The following FBXO8 variants were observed in gnomAD, a reference collection of about 807,000 sequenced individuals.
The protein encoded by FBXO8 is F-box only protein 8.
Under a neutral mutation model 33.4 loss-of-function variants are expected in FBXO8, and 15 were observed. That is an observed-to-expected ratio of 0.45 (90% CI 0.30 to 0.69). FBXO8 has a LOEUF of 0.69. FBXO8 is among the 30% of genes least tolerant of loss of function. FBXO8 has a pLI of 0.08. For synonymous variants in FBXO8, 132 were observed against 131.5 expected, an observed-to-expected ratio of 1.00 and a Z score of -0.02; for missense variants, 274 against 380.3, an observed-to-expected ratio of 0.72 and a Z score of 2.32.
In FBXO8 at chr4:174,245,716, A is replaced by C. The variant is rs1736143216; in HGVS notation, c.457-4498T>G. 6.6e-6 allele frequency among the ~76,000 whole-genome samples: 1 copy of C among 151,976 alleles called. No homozygotes were observed. Among genetic ancestry groups the C allele is most frequent in the African/African-American group, 2.4e-5 (1 of 41,392 alleles). ...AATTAGATAGTGGGCTATTCAGCGG[A>C]GCACTCACTTAAAAAATAAAAATAA... On this transcript the variant is annotated intron_variant, in intron 3 of 5. Transcript: ENST00000393674. The surrounding 1 kb of genome is among the most constrained non-coding windows in gnomAD (Gnocchi z 4.6).
At position 174,259,857 on chromosome 4, in the gene FBXO8, C is replaced by T. The variant is rs371743857; in HGVS notation, c.330-32G>A. The T allele has an allele frequency of 1.2e-5, 18 of 1,540,798 alleles. No individual in the cohort carries two copies. Among genetic ancestry groups the T allele is most frequent in the Non-Finnish European group, 1.6e-5 (18 of 1,150,774 alleles). On this transcript the variant is annotated intron_variant, in intron 2 of 5. Coordinates refer to ENST00000393674, the MANE Select transcript of FBXO8 (RefSeq NM_012180.3). This position sits in a 1 kb window ranked among gnomAD's most constrained non-coding sequence, Gnocchi z 4.3. ...AATCAGAGAAAATGAGACAAGAAAA[C>T]ATTACTACATTTAATTTCCTAAGTT...
rs575381575 is a variant in FBXO8, at chr4:174,275,628, A to C, written c.-9+7782T>G. On this transcript the variant is annotated intron_variant, in intron 1 of 5. Coordinates refer to ENST00000393674, the MANE Select transcript of FBXO8 (RefSeq NM_012180.3). This position sits in a 1 kb window ranked among gnomAD's most constrained non-coding sequence, Gnocchi z 4.4. Reference sequence around the variant, plus strand: ...ATTGTATGTAAATGATACCTTAATAAAGATGTTTTATAAAAAGGAATTAGA... The same window carrying C: ...ATTGTATGTAAATGATACCTTAATACAGATGTTTTATAAAAAGGAATTAGA... Among the ~76,000 whole-genome samples, 2 of 152,302 alleles carry C rather than the reference A, an allele frequency of 1.3e-5. No homozygotes were observed. The highest frequency in any genetic ancestry group is 2.1e-4 in the South Asian group (1 of 4,832).
At chr4:174,250,264 G>A (rs1275939951) in intron 3 of FBXO8, among the ~76,000 whole-genome samples, 1 of 152,038 alleles carries the variant, frequency 6.6e-6, no homozygotes, top group Non-Finnish European at 1.5e-5. Context: ...TTGAATGAAT[G>A]TTTGAATCTA....
rs1431354396 is a variant in FBXO8 at position 174,237,123 on chromosome 4, C to T, written c.*289G>A. Reference sequence around the variant, plus strand: ...AGGCAAATCTAATGCACAAATACACCATCTTTTAGAGTATAATGTCAGTTT... The same window carrying T: ...AGGCAAATCTAATGCACAAATACACTATCTTTTAGAGTATAATGTCAGTTT... On this transcript the variant is annotated 3_prime_UTR_variant, in exon 6 of 6. Transcript: ENST00000393674. This position sits in a 1 kb window ranked among gnomAD's most constrained non-coding sequence, Gnocchi z 4.4. 2 of 261,968 alleles carry T rather than the reference C, an allele frequency of 7.6e-6. No homozygotes were observed. The highest frequency in any genetic ancestry group is 1.5e-5 in the Non-Finnish European group (2 of 137,764). 16.2% of individuals were successfully genotyped at this position (261,968 alleles called of 1,614,324 possible). A position where few individuals can be genotyped will look rare whatever the true frequency, so the allele number is the denominator to read the frequency against.
chr4:174,257,252 C>A lies in FBXO8; in HGVS notation c.456+2447G>T, dbSNP rs1421840669. ...ATATAACATTTTAGCATATGAGGACCCATGTGTATTTTCATCTTTGTGTAA... is the reference window on the plus strand; with the variant it reads ...ATATAACATTTTAGCATATGAGGACACATGTGTATTTTCATCTTTGTGTAA... On this transcript the variant is annotated intron_variant, in intron 3 of 5. Coordinates refer to ENST00000393674, the MANE Select transcript of FBXO8 (RefSeq NM_012180.3). The surrounding 1 kb of genome is among the most constrained non-coding windows in gnomAD (Gnocchi z 4.3). 6.6e-6 allele frequency among the ~76,000 whole-genome samples: 1 copy of A among 151,942 alleles called. No homozygotes were observed. Among genetic ancestry groups the A allele is most frequent in the African/African-American group, 2.4e-5 (1 of 41,362 alleles).
chr4:174,267,820 T>C lies in FBXO8; in HGVS notation c.-8-4720A>G, dbSNP rs572523537. Among the ~76,000 whole-genome samples, 29 of 152,312 alleles carry C rather than the reference T, an allele frequency of 1.9e-4. No homozygotes were observed. The East Asian group carries it at 5.4e-3, about 28-fold the overall frequency. On this transcript the variant is annotated intron_variant, in intron 1 of 5. Coordinates refer to ENST00000393674, the MANE Select transcript of FBXO8 (RefSeq NM_012180.3). This position sits in a 1 kb window ranked among gnomAD's most constrained non-coding sequence, Gnocchi z 4.7. ...ACTGTCCTGTCACTTGCAGCAATTG[T>C]TAGGTAAAATAAAATTCAGCTGCAA...
chr4:174,256,032 A>C lies in FBXO8; in HGVS notation c.456+3667T>G. The C allele has an allele frequency of 2.2e-6, 1 of 454,062 alleles. No individual in the cohort carries two copies. Among genetic ancestry groups the C allele is most frequent in the Non-Finnish European group, 4.4e-6 (1 of 226,154 alleles). 28.1% of individuals were successfully genotyped at this position (454,062 alleles called of 1,614,324 possible). ...AGCGTGCCAGATTATCGTACCACAA[A>C]CTGTGCAGATGTTCTCCCCCACCCC... On this transcript the variant is annotated intron_variant, in intron 3 of 5. Coordinates refer to ENST00000393674, the MANE Select transcript of FBXO8 (RefSeq NM_012180.3). The surrounding 1 kb of genome is among the most constrained non-coding windows in gnomAD (Gnocchi z 4.6).
At chr4:174,248,164 T>G (rs574581559) in intron 3 of FBXO8, among the ~76,000 whole-genome samples, 1 of 152,192 alleles carries the variant, frequency 6.6e-6, no homozygotes, top group East Asian at 1.9e-4. Flanking sequence ...TTTTGTAATG[T>G]TTTCTGCTTT....
chr4:174,250,679 T>G (rs1004955373), intron 3 of FBXO8, among the ~76,000 whole-genome samples: 2 of 152,146 alleles, frequency 1.3e-5, no homozygotes, highest in African/African-American at 4.8e-5. Context: ...AGGTAGTGTT[T>G]CCTTCATACT....
In FBXO8 at chr4:174,259,638, A is replaced by T; in HGVS notation, c.456+61T>A. The T allele has an allele frequency of 6.4e-7, 1 of 1,558,314 alleles. No individual in the cohort carries two copies. The highest frequency in any genetic ancestry group is 1.2e-5 in the South Asian group (1 of 82,044). On this transcript the variant is annotated intron_variant, in intron 3 of 5. Coordinates refer to ENST00000393674, the MANE Select transcript of FBXO8 (RefSeq NM_012180.3). The surrounding 1 kb of genome is among the most constrained non-coding windows in gnomAD (Gnocchi z 4.3). ...TTTCCCTGCTAGTTTATGATATTGGAAAGCTGCAGCAAGATAGTAATAAAG... is the reference window on the plus strand; with the variant it reads ...TTTCCCTGCTAGTTTATGATATTGGTAAGCTGCAGCAAGATAGTAATAAAG...
rs1736319332 is a variant in FBXO8 at position 174,252,620 on chromosome 4, A to G, written c.456+7079T>C. Reference sequence around the variant, plus strand: ...CTCACATACCAATGCCTAGAGGTGTACATGACACATGTACTTGTGCATGTG... The same window carrying G: ...CTCACATACCAATGCCTAGAGGTGTGCATGACACATGTACTTGTGCATGTG... On this transcript the variant is annotated intron_variant, in intron 3 of 5. Coordinates refer to ENST00000393674, the MANE Select transcript of FBXO8 (RefSeq NM_012180.3). This position sits in a 1 kb window ranked among gnomAD's most constrained non-coding sequence, Gnocchi z 5.1. Among the ~76,000 whole-genome samples, 1 of 152,030 alleles carries G rather than the reference A, an allele frequency of 6.6e-6. No individual in the cohort carries two copies. The highest frequency in any genetic ancestry group is 6.6e-5 in the Admixed American group (1 of 15,248).
intron 3 of FBXO8, among the ~76,000 whole-genome samples, chr4:174,246,790 T>C (rs7697587): frequency 0.1 from 15,263 of 151,892 alleles, 825 homozygotes; most frequent in Middle Eastern, 0.12. Flanking sequence ...TAGCACCGGC[T>C]CAGAGACAGC....
chr4:174,253,235 C>T lies in FBXO8; in HGVS notation c.456+6464G>A, dbSNP rs1406227504. Among the ~76,000 whole-genome samples, 1 of 152,170 alleles carries T rather than the reference C, an allele frequency of 6.6e-6. No homozygotes were observed. The highest frequency in any genetic ancestry group is 1.9e-4 in the East Asian group (1 of 5,190). On this transcript the variant is annotated intron_variant, in intron 3 of 5. Coordinates refer to ENST00000393674, the MANE Select transcript of FBXO8 (RefSeq NM_012180.3). This position sits in a 1 kb window ranked among gnomAD's most constrained non-coding sequence, Gnocchi z 4.5. ...GTGATTTTTAAAAAATTACTTTTAT[C>T]ATAGGATATAGTGCCACTAGAAGGA... is the stretch of plus-strand genomic sequence containing the variant.
Position 174,241,004 on chromosome 4 carries a change from G to C in FBXO8, c.575+96C>G. ...CTGTCTTTATTCAATTTTGCAACCA[G>C]ATGATTACTATGCAGTATTAGTTTT... is the stretch of plus-strand genomic sequence containing the variant. On this transcript the variant is annotated intron_variant, in intron 4 of 5. Transcript: ENST00000393674. This position sits in a 1 kb window ranked among gnomAD's most constrained non-coding sequence, Gnocchi z 4.2. 1 of 614,360 alleles carries C rather than the reference G, an allele frequency of 1.6e-6. No individual in the cohort carries two copies. The highest frequency in any genetic ancestry group is 3.3e-5 in the Admixed American group (1 of 30,094). 38.1% of individuals were successfully genotyped at this position (614,360 alleles called of 1,614,324 possible).
Position 174,249,495 on chromosome 4 carries a change from G to T in FBXO8, c.457-8277C>A, listed in dbSNP as rs192482881. ...TGTGCATATATACAACTGTTTAAAT[G>T]ACTAACCCATAAATACTAGTTTTAT... On this transcript the variant is annotated intron_variant, in intron 3 of 5. Transcript: ENST00000393674. Among the ~76,000 whole-genome samples the T allele has an allele frequency of 8.0e-4, 122 of 151,984 alleles. 1 individual carries two copies. The highest frequency in any genetic ancestry group is 2.8e-3 in the African/African-American group (115 of 41,496).
intron 3 of FBXO8, among the ~76,000 whole-genome samples, chr4:174,249,859 A>G (rs1339458043): frequency 3.3e-5 from 5 of 152,008 alleles, no homozygotes; most frequent in African/African-American, 1.2e-4. Flanking sequence ...AGAAAATACA[A>G]TTAAAGACAA....
At position 174,263,072 on chromosome 4, in the gene FBXO8, T is replaced by C. The variant is rs369540951; in HGVS notation, c.21A>G (p.Arg7=). 2 of 1,613,642 alleles carry C rather than the reference T, an allele frequency of 1.2e-6. No homozygotes were observed. The highest frequency in any genetic ancestry group is 1.7e-6 in the Non-Finnish European group (2 of 1,179,894). Residue 7 remains arginine, a synonymous_variant, in exon 2 of 6, where the codon AGA becomes AGG. Coordinates refer to ENST00000393674, the MANE Select transcript of FBXO8 (RefSeq NM_012180.3). This position sits in a 1 kb window ranked among gnomAD's most constrained non-coding sequence, Gnocchi z 4.2. The part of the protein sequence containing the change: MGQGLW[R]VVRNQQLQQE... ...GTTGCAGCTGCTGGTTTCTGACCAC[T>C]CTCCACAACCCTTGACCCATCTGCA...
At chr4:174,260,308 C>T (rs1270616635) in intron 2 of FBXO8, among the ~76,000 whole-genome samples, 1 of 152,004 alleles carries the variant, frequency 6.6e-6, no homozygotes, top group Non-Finnish European at 1.5e-5. Context: ...TAATCCACAG[C>T]TTGCAATTAT....
At position 174,262,817 on chromosome 4, in the gene FBXO8, G is replaced by A. The variant is rs149560688; in HGVS notation, c.276C>T (p.Cys92=). The change falls in exon 2 of 6, where the codon TGC becomes TGT. Residue 92 remains cysteine, a synonymous_variant. Transcript: ENST00000393674. The surrounding 1 kb of genome is among the most constrained non-coding windows in gnomAD (Gnocchi z 4.6). ...ILSYLNATDL[C]LASCVWQDLA... Reference sequence around the variant, plus strand: ...GGTCCTGCCAAACACATGAAGCCAAGCAAAGGTCAGTTGCATTCAGGTAGG... The same window carrying A: ...GGTCCTGCCAAACACATGAAGCCAAACAAAGGTCAGTTGCATTCAGGTAGG... 1.6e-5 allele frequency: 26 copies of A among 1,613,868 alleles called. No individual in the cohort carries two copies. Among genetic ancestry groups the A allele is most frequent in the Non-Finnish European group, 2.2e-5 (26 of 1,179,930 alleles).
Sources: gnomAD v4.1 joint callset for allele counts (sites outside exome capture counted in the v4.1 genomes callset) on GRCh38, gnomAD v4.1.1 for gene constraint, Gnocchi (gnomAD v3.1) non-coding constraint, MANE v1.5 for transcripts, NCBI Gene and HGNC (gene_info 2026-07-23, HGNC 2026-07-21) for gene names.